The following MGLL variants were observed in gnomAD, a reference collection of about 807,000 sequenced individuals.
The protein encoded by MGLL is monoglyceride lipase.
MGLL carries 7 observed loss-of-function variants against 29.1 expected under a neutral mutation model. The observed-to-expected ratio is 0.24, with a 90% confidence interval of 0.14 to 0.45. MGLL has a LOEUF of 0.45. MGLL is among the 20% of genes least tolerant of loss of function. MGLL has a pLI of 0.99. For synonymous variants in MGLL, 148 were observed against 168.3 expected, an observed-to-expected ratio of 0.88 and a Z score of 0.93; for missense variants, 356 against 413.6, an observed-to-expected ratio of 0.86 and a Z score of 1.21.
intron 3 of MGLL, among the ~76,000 whole-genome samples, chr3:127,769,589 G>A (rs896220836): frequency 6.6e-5 from 10 of 152,198 alleles, no homozygotes; most frequent in African/African-American, 2.4e-4. Flanking sequence ...CATCAGAGCT[G>A]AGGTCTTCTC....
At chr3:127,769,158 C>T (rs150711627) in intron 3 of MGLL, among the ~76,000 whole-genome samples, 3 of 152,054 alleles carry the variant, frequency 2.0e-5, no homozygotes, top group Non-Finnish European at 4.4e-5. Flanking sequence ...TTGAGGCCAG[C>T]TTGGCCAACA....
intron 3 of MGLL, among the ~76,000 whole-genome samples, chr3:127,754,912 C>T (rs986762461): frequency 1.3e-5 from 2 of 152,170 alleles, no homozygotes; most frequent in Non-Finnish European, 2.9e-5. Context: ...TAGAGGGAAG[C>T]GTTCCCTAGG....
chr3:127,763,663 T>C lies in MGLL; in HGVS notation c.262+18126A>G, dbSNP rs2076804603. On this transcript the variant is annotated intron_variant, in intron 3 of 7. Coordinates refer to ENST00000265052, the MANE Select transcript of MGLL (RefSeq NM_007283.7). ...ACCTGGCCTGGAGTGGACCTCTGTC[T>C]GTGCCCTAAGCTCGGCCACTGTGGT... Among the ~76,000 whole-genome samples, 5 of 152,228 alleles carry C rather than the reference T, an allele frequency of 3.3e-5. No individual in the cohort carries two copies. The South Asian group carries it at 1.0e-3, about 32-fold the overall frequency.
chr3:127,788,228 C>G (rs1479354127), intron 2 of MGLL, among the ~76,000 whole-genome samples: 2 of 152,166 alleles, frequency 1.3e-5, no homozygotes, highest in African/African-American at 4.8e-5. Flanking sequence ...CCAGGGCTGA[C>G]AGCTGACACC....
rs145086808 is a variant in MGLL, at chr3:127,765,898, G to C, written c.262+15891C>G. On this transcript the variant is annotated intron_variant, in intron 3 of 7. Transcript: ENST00000265052. Reference sequence around the variant, plus strand: ...GCCAGTGACTAATGTGTGGTGAGGAGAGCAGGGGTCTGTGTGTTGGGGAAG... The same window carrying C: ...GCCAGTGACTAATGTGTGGTGAGGACAGCAGGGGTCTGTGTGTTGGGGAAG... Among the ~76,000 whole-genome samples the C allele has an allele frequency of 8.1e-3, 1,240 of 152,308 alleles. 22 individuals are homozygous for C. Among genetic ancestry groups the C allele is most frequent in the African/African-American group, 0.029 (1,187 of 41,552 alleles).
chr3:127,722,626 C>T (rs974469093), intron 3 of MGLL, 60 bp from the exon 4 acceptor site: 3 of 1,608,162 alleles, frequency 1.9e-6, no homozygotes, highest in Admixed American at 1.7e-5. Flanking sequence ...CTACACAAGC[C>T]CAGAGTTCTC....
chr3:127,734,668 A>C (rs544781786), intron 3 of MGLL, among the ~76,000 whole-genome samples: 1 of 152,352 alleles, frequency 6.6e-6, no homozygotes, highest in South Asian at 2.1e-4. Context: ...GCTCTGTCCC[A>C]ACTTGACAGC....
chr3:127,781,548 G>A (rs1345188174), intron 3 of MGLL, among the ~76,000 whole-genome samples: 3 of 152,220 alleles, frequency 2.0e-5, no homozygotes, highest in African/African-American at 7.2e-5. Context: ...GTTCTGAGAT[G>A]AACATATCCG....
intron 2 of MGLL, among the ~76,000 whole-genome samples, chr3:127,788,971 C>T (rs2077259042): frequency 6.6e-6 from 1 of 152,156 alleles, no homozygotes; most frequent in South Asian, 2.1e-4. Flanking sequence ...CCCGCAGTGC[C>T]CAGTAGTTTT....
At chr3:127,803,575 T>G (rs572272047) in intron 2 of MGLL, among the ~76,000 whole-genome samples, 2 of 152,082 alleles carry the variant, frequency 1.3e-5, no homozygotes, top group African/African-American at 4.8e-5. Context: ...TGCATATATG[T>G]CAGGGCAAAA....
At chr3:127,769,825 C>T (rs919498467) in intron 3 of MGLL, among the ~76,000 whole-genome samples, 5 of 152,150 alleles carry the variant, frequency 3.3e-5, no homozygotes, top group Non-Finnish European at 4.4e-5. Context: ...CCCACAACAC[C>T]CCACCCCCGA....
chr3:127,749,138 C>T (rs2076508297), intron 3 of MGLL, among the ~76,000 whole-genome samples: 1 of 152,206 alleles, frequency 6.6e-6, no homozygotes, highest in South Asian at 2.1e-4. Context: ...GTCGGAGCCT[C>T]TCGACACTGG....
chr3:127,712,233 C>A (rs1477455345), intron 5 of MGLL: 1 of 152,270 alleles, frequency 6.6e-6, no homozygotes, highest in African/African-American at 2.4e-5. Flanking sequence ...GAGCTCTAAC[C>A]TTCCCGTGGG....
chr3:127,722,543 C>T lies in MGLL; in HGVS notation c.286G>A (p.Glu96Lys), dbSNP rs1199352802. 1 of 1,614,234 alleles carries T rather than the reference C, an allele frequency of 6.2e-7. No individual in the cohort carries two copies. The highest frequency in any genetic ancestry group is 8.5e-7 in the Non-Finnish European group (1 of 1,180,046). ...TGGAAGTCAGACACTACCATCCTCT[C>T]CCCTTCGCTCTGTCCGTGGCCAACT... ...DHVGHGQSEG[E>K]RMVVSDFHVF... Residue 96 changes from glutamate to lysine, a missense_variant, in exon 4 of 8, where the codon GAG becomes AAG. By Grantham distance (56) the Glu-to-Lys change is moderately conservative (BLOSUM62 1). Coordinates refer to ENST00000265052, the MANE Select transcript of MGLL (RefSeq NM_007283.7).
intron 3 of MGLL, among the ~76,000 whole-genome samples, chr3:127,770,343 AT>A (rs1235943281): frequency 1.3e-5 from 2 of 152,010 alleles, no homozygotes; most frequent in East Asian, 1.9e-4. Flanking sequence ...ACCCTGAAAC[AT>A]TTTTTTTAAG....
intron 3 of MGLL, among the ~76,000 whole-genome samples, chr3:127,767,992 G>A (rs1037025870): frequency 6.6e-6 from 1 of 152,166 alleles, no homozygotes; most frequent in Non-Finnish European, 1.5e-5. Flanking sequence ...TAATGTTCCA[G>A]TAACTTGTCC....
chr3:127,721,159 C>T lies in MGLL; in HGVS notation c.404G>A (p.Gly135Asp). The T allele has an allele frequency of 6.2e-7, 1 of 1,614,068 alleles. No homozygotes were observed. Among genetic ancestry groups the T allele is most frequent in the Non-Finnish European group, 8.5e-7 (1 of 1,179,968 alleles). The change falls in exon 5 of 8, where the codon GGC becomes GAC. Residue 135 changes from glycine (G) to aspartate (D), a missense_variant. Coordinates refer to ENST00000265052, the MANE Select transcript of MGLL (RefSeq NM_007283.7). ...PVFLLGHSMG[G>D]AIAILTAAER... is the part of the protein sequence containing the mutation. ...TGCGGCCGTGAGGATGGCGATGGCG[C>T]CTCCCTGTAATGCAGAATGGGCAGA...
rs2077115796 is a variant in MGLL, at chr3:127,781,101, A to G, written c.262+688T>C. ...GTGTGTGTGATTGTGTATGGATGGTATGTTTATGTATGCATGTATATGTCT... is the reference window on the plus strand; with the variant it reads ...GTGTGTGTGATTGTGTATGGATGGTGTGTTTATGTATGCATGTATATGTCT... On this transcript the variant is annotated intron_variant, in intron 3 of 7. Coordinates refer to ENST00000265052, the MANE Select transcript of MGLL (RefSeq NM_007283.7). Among the ~76,000 whole-genome samples, 6 of 152,074 alleles carry G rather than the reference A, an allele frequency of 3.9e-5. 1 individual carries two copies. In the South Asian group the frequency reaches 1.0e-3, roughly 26 times the overall value.
intron 3 of MGLL, among the ~76,000 whole-genome samples, chr3:127,726,056 C>T (rs1284534298): frequency 1.6e-5 from 2 of 128,312 alleles, no homozygotes; most frequent in African/African-American, 2.7e-5. Flanking sequence ...AAGTGAGACC[C>T]TATCTCAAAA....
Sources: allele counts gnomAD v4.1 joint callset (sites outside exome capture counted in the v4.1 genomes callset), GRCh38; gene constraint gnomAD v4.1.1; transcripts MANE v1.5; gene names NCBI Gene and HGNC (gene_info 2026-07-23, HGNC 2026-07-21).